The following MDGA2 variants were observed in gnomAD, a reference collection of about 807,000 sequenced individuals.
MDGA2 encodes the protein MAM domain containing glycosylphosphatidylinositol anchor 2.
In MDGA2, 40 loss-of-function variants were observed where a neutral mutation model predicts 117.8. The observed-to-expected ratio is 0.34, with a 90% CI of 0.26 to 0.44. The LOEUF is 0.44. Among genes scored for constraint, MDGA2 ranks in the 20% least tolerant of loss-of-function variants. MDGA2 has a pLI of 1.00. For missense variants in MDGA2, 1,123 were observed against 1,250.6 expected, an observed-to-expected ratio of 0.90 and a Z score of 1.54; for synonymous variants, 452 against 439.0, an observed-to-expected ratio of 1.03 and a Z score of -0.37.
chr14:47,137,357 C>T (rs1882506084), intron 4 of MDGA2, among the ~76,000 whole-genome samples: 1 of 152,086 alleles, frequency 6.6e-6, no homozygotes, highest in Admixed American at 6.6e-5. Context: ...GAAATTTAAT[C>T]CCAATGTTGG....
chr14:47,339,311 A>G (rs1026798984), intron 1 of MDGA2, among the ~76,000 whole-genome samples: 8 of 152,168 alleles, frequency 5.3e-5, no homozygotes, highest in African/African-American at 1.9e-4. Context: ...ATTTTTCTCA[A>G]GAAAAGAGAA....
At chr14:47,156,089 G>T (rs1466929437) in intron 3 of MDGA2, among the ~76,000 whole-genome samples, 1 of 151,170 alleles carries the variant, frequency 6.6e-6, no homozygotes, top group Non-Finnish European at 1.5e-5. Flanking sequence ...TGTATTTTTA[G>T]TAGAGGCGGG....
At chr14:46,956,281 T>C (rs1323711214) in intron 9 of MDGA2, among the ~76,000 whole-genome samples, 1 of 152,046 alleles carries the variant, frequency 6.6e-6, no homozygotes, top group Non-Finnish European at 1.5e-5. Context: ...ACTTTACCTA[T>C]GACAAAGAAA....
At chr14:47,475,898 T>C (rs1253103311) in intron 1 of MDGA2, among the ~76,000 whole-genome samples, 1 of 152,174 alleles carries the variant, frequency 6.6e-6, no homozygotes, top group Non-Finnish European at 1.5e-5. Context: ...GTTGATCATA[T>C]ATCATGTTTG....
chr14:47,086,463 T>C (rs1190154453), intron 6 of MDGA2, among the ~76,000 whole-genome samples: 1 of 152,120 alleles, frequency 6.6e-6, no homozygotes, highest in African/African-American at 2.4e-5. Flanking sequence ...GTCAGGTTGC[T>C]AATTCAATTA....
intron 3 of MDGA2, among the ~76,000 whole-genome samples, chr14:47,146,099 A>C (rs1217259564): frequency 1.3e-5 from 2 of 152,202 alleles, no homozygotes; most frequent in Non-Finnish European, 2.9e-5. Flanking sequence ...ATTGTTCCTT[A>C]GAAAAGATTC....
At chr14:47,108,816 C>T (rs8020318) in intron 5 of MDGA2, among the ~76,000 whole-genome samples, 44,079 of 151,990 alleles carry the variant, frequency 0.29, 7,040 homozygotes, top group African/African-American at 0.39. Context: ...GCTAGAGAAA[C>T]AGAACTTGTG....
At chr14:47,179,149 T>A (rs1884597777) in intron 3 of MDGA2, among the ~76,000 whole-genome samples, 2 of 152,144 alleles carry the variant, frequency 1.3e-5, no homozygotes, top group Admixed American at 6.6e-5. Flanking sequence ...ACTCAGTGAT[T>A]GTCCTCATGG....
chr14:47,540,540 G>GTGTGTGTATA, intron 1 of MDGA2, among the ~76,000 whole-genome samples: 2 of 79,220 alleles, frequency 2.5e-5, no homozygotes, highest in South Asian at 6.3e-4. Flanking sequence ...GTGTGTGTGT[G>GTGTGTGTATA]TATATATATA....
At chr14:47,652,368 T>A (rs1897661128) in intron 1 of MDGA2, among the ~76,000 whole-genome samples, 2 of 152,166 alleles carry the variant, frequency 1.3e-5, no homozygotes, top group Non-Finnish European at 2.9e-5. Flanking sequence ...TTATAAATTA[T>A]TCACAGAGAA....
intron 5 of MDGA2, among the ~76,000 whole-genome samples, chr14:47,103,701 A>T (rs560471570): frequency 6.6e-6 from 1 of 152,334 alleles, no homozygotes; most frequent in African/African-American, 2.4e-5. Flanking sequence ...AAATTGCATA[A>T]CTTTTAGGAA....
At chr14:47,230,467 A>T (rs1886651009) in intron 2 of MDGA2, among the ~76,000 whole-genome samples, 1 of 152,010 alleles carries the variant, frequency 6.6e-6, no homozygotes, top group African/African-American at 2.4e-5. Flanking sequence ...AAGTTAAATT[A>T]AAATGGCTTA....
chr14:46,953,326 AC>A (rs1031958648), intron 9 of MDGA2, among the ~76,000 whole-genome samples: 7 of 151,504 alleles, frequency 4.6e-5, no homozygotes, highest in African/African-American at 1.7e-4. Flanking sequence ...TGAAAAAAAA[AC>A]ACCACCCCTT....
intron 9 of MDGA2, among the ~76,000 whole-genome samples, chr14:46,945,536 G>C (rs1179191036): frequency 6.6e-6 from 1 of 152,028 alleles, no homozygotes; most frequent in African/African-American, 2.4e-5. Flanking sequence ...CTTAGGTAAG[G>C]ATCCACACTA....
At chr14:47,665,097 T>G (rs1594970910) in intron 1 of MDGA2, among the ~76,000 whole-genome samples, 1 of 152,276 alleles carries the variant, frequency 6.6e-6, no homozygotes, top group East Asian at 1.9e-4. Flanking sequence ...GGACTACTTT[T>G]CTTTCTGCAC....
At chr14:47,469,252 C>G (rs1373282431) in intron 1 of MDGA2, among the ~76,000 whole-genome samples, 1 of 151,824 alleles carries the variant, frequency 6.6e-6, no homozygotes, top group African/African-American at 2.4e-5. Context: ...GTGTGCTGCA[C>G]CCATTAACTC....
Position 47,087,801 on chromosome 14 carries a change from CAAA to C in MDGA2, c.1195+9050_1195+9052del, listed in dbSNP as rs11418956. The stretch of plus-strand genomic sequence containing the variant: ...GCACTGTTTTACAACTGTAGGGTAT[CAAA>C]AAAAAAAAAAAAAAACTACCAAGAG... On this transcript the variant is annotated intron_variant, in intron 6 of 16. Coordinates refer to ENST00000399232, the MANE Select transcript of MDGA2 (RefSeq NM_001113498.3). Among the ~76,000 whole-genome samples the C allele has an allele frequency of 6.2e-3, 863 of 139,306 alleles. 3 individuals are homozygous for C. Among genetic ancestry groups the C allele is most frequent in the East Asian group, 6.6e-3 (32 of 4,852 alleles). The allele number at this position is 139,306 out of a possible 152,430, so 91.4% of individuals were successfully genotyped here.
intron 1 of MDGA2, among the ~76,000 whole-genome samples, chr14:47,413,770 T>A (rs1892421079): frequency 6.6e-6 from 1 of 151,916 alleles, no homozygotes; most frequent in Non-Finnish European, 1.5e-5. Context: ...AAGTGACATG[T>A]TCTATATACA....
At chr14:47,298,683 CTTTTT>C (rs66784813) in intron 2 of MDGA2, among the ~76,000 whole-genome samples, 1 of 126,124 alleles carries the variant, frequency 7.9e-6, no homozygotes, top group Non-Finnish European at 1.6e-5. Context: ...CTTAATTTTT[CTTTTT>C]TTTTTTTTTT....
Sources: allele counts gnomAD v4.1 joint callset (sites outside exome capture counted in the v4.1 genomes callset), GRCh38; gene constraint gnomAD v4.1.1; transcripts MANE v1.5; gene names NCBI Gene and HGNC (gene_info 2026-07-23, HGNC 2026-07-21).